The following KIRREL3 variants were observed in gnomAD, a reference collection of about 807,000 sequenced individuals.
The protein encoded by KIRREL3 is kin of IRRE-like protein 3.
KIRREL3 carries 36 observed loss-of-function variants against 89.7 expected under a neutral mutation model. That is an observed-to-expected ratio of 0.40 (90% CI 0.31 to 0.53). The LOEUF (loss-of-function observed/expected upper bound fraction) is 0.53. Ranked by LOEUF, KIRREL3 falls within the 20% of genes least tolerant of loss-of-function variation. The pLI is 0.49. For synonymous variants in KIRREL3, 445 were observed against 441.4 expected (o/e 1.01, Z -0.10); for missense variants, 864 against 1,056.6 (o/e 0.82, Z 2.53).
chr11:126,497,202 G>A, intron 4 of KIRREL3, among the ~76,000 whole-genome samples: 1 of 37,384 alleles, frequency 2.7e-5, no homozygotes, highest in Non-Finnish European at 5.2e-5. Context: ...GAGTGTGTGT[G>A]AGTGTGAGTG....
chr11:126,666,779 A>G lies in KIRREL3; in HGVS notation c.56-103867T>C, dbSNP rs182107014. Among the ~76,000 whole-genome samples, 1 of 152,298 alleles carries G rather than the reference A, an allele frequency of 6.6e-6. No homozygotes were observed. The highest frequency in any genetic ancestry group is 2.4e-5 in the African/African-American group (1 of 41,578). On this transcript the variant is annotated intron_variant, in intron 1 of 16. Coordinates refer to ENST00000525144, the MANE Select transcript of KIRREL3 (RefSeq NM_032531.4). This position sits in a 1 kb window ranked among gnomAD's most constrained non-coding sequence, Gnocchi z 4.2. ...TCTTTCACCAGAAGAATAAAAGACCATGCTTTTGAGGAGCCAGTCACTGAG... is the reference window on the plus strand; with the variant it reads ...TCTTTCACCAGAAGAATAAAAGACCGTGCTTTTGAGGAGCCAGTCACTGAG...
rs1337397484 is a variant in KIRREL3, at chr11:126,744,265, C to G, written c.56-181353G>C. On this transcript the variant is annotated intron_variant, in intron 1 of 16. Transcript: ENST00000525144. The surrounding 1 kb of genome is among the most constrained non-coding windows in gnomAD (Gnocchi z 4.7). ...TTTTTTTTTTTTTATGGGTGGAAAG[C>G]CTTTGATAAGCATTTGTTGAATCAA... Among the ~76,000 whole-genome samples, 2 of 151,220 alleles carry G rather than the reference C, an allele frequency of 1.3e-5. No homozygotes were observed. Among genetic ancestry groups the G allele is most frequent in the South Asian group, 2.1e-4 (1 of 4,786 alleles).
rs1241734553 is a variant in KIRREL3 at position 126,622,242 on chromosome 11, G to C, written c.56-59330C>G. On this transcript the variant is annotated intron_variant, in intron 1 of 16. Transcript: ENST00000525144. The surrounding 1 kb of genome is among the most constrained non-coding windows in gnomAD (Gnocchi z 5.2). ...CTTGGTATTCTTAGAGAAAGTTGTT[G>C]CACCTTTGGGTGCTGTTTTAATTAC... 6.6e-6 allele frequency among the ~76,000 whole-genome samples: 1 copy of C among 152,202 alleles called. No homozygotes were observed. The highest frequency in any genetic ancestry group is 1.5e-5 in the Non-Finnish European group (1 of 68,030).
chr11:126,494,528 T>A (rs1957605125), intron 4 of KIRREL3, among the ~76,000 whole-genome samples: 1 of 152,232 alleles, frequency 6.6e-6, no homozygotes, highest in South Asian at 2.1e-4. Flanking sequence ...TATCATGGAT[T>A]TTTTCACATT....
At position 126,462,336 on chromosome 11, in the gene KIRREL3, G is replaced by T. The variant is rs575370681; in HGVS notation, c.742+821C>A. Among the ~76,000 whole-genome samples the T allele has an allele frequency of 9.9e-5, 15 of 152,256 alleles. No homozygotes were observed. The South Asian group carries it at 1.0e-3, about 11-fold the overall frequency. The stretch of plus-strand genomic sequence containing the variant: ...CGGTGCCTCAGTTTCCCACGGTAGG[G>T]ACCACAGTTGCACCTTCTCCAAACA... On this transcript the variant is annotated intron_variant, in intron 6 of 16. Coordinates refer to ENST00000525144, the MANE Select transcript of KIRREL3 (RefSeq NM_032531.4). The surrounding 1 kb of genome is among the most constrained non-coding windows in gnomAD (Gnocchi z 4.8).
intron 1 of KIRREL3, among the ~76,000 whole-genome samples, chr11:126,701,515 G>A (rs975210881): frequency 7.9e-5 from 12 of 152,064 alleles, no homozygotes; most frequent in African/African-American, 2.4e-4. Flanking sequence ...AGCCTGTGTC[G>A]AGTCATCATG....
chr11:126,968,217 G>A (rs1349120738), intron 1 of KIRREL3, among the ~76,000 whole-genome samples: 1 of 152,086 alleles, frequency 6.6e-6, no homozygotes, highest in Non-Finnish European at 1.5e-5. Flanking sequence ...ACATGCTTCT[G>A]TATTTTTTTT....
chr11:126,518,840 G>A (rs1047791604), intron 4 of KIRREL3, among the ~76,000 whole-genome samples: 4 of 152,370 alleles, frequency 2.6e-5, no homozygotes, highest in Middle Eastern at 3.4e-3. Context: ...ACTCAGCCAG[G>A]CGGAGCCCTG....
rs1367150907 is a variant in KIRREL3 at position 126,771,161 on chromosome 11, T to A, written c.56-208249A>T. ...CAGAACGATCATTTATTAAAGAGTG[T>A]TGTATACCAAGTCTTGTGTTAGCTG... On this transcript the variant is annotated intron_variant, in intron 1 of 16. Transcript: ENST00000525144. This position sits in a 1 kb window ranked among gnomAD's most constrained non-coding sequence, Gnocchi z 4.4. Among the ~76,000 whole-genome samples, 1 of 152,146 alleles carries A rather than the reference T, an allele frequency of 6.6e-6. No individual in the cohort carries two copies. The highest frequency in any genetic ancestry group is 1.5e-5 in the Non-Finnish European group (1 of 68,034).
chr11:126,479,543 C>A (rs1324864300), intron 4 of KIRREL3, among the ~76,000 whole-genome samples: 1 of 152,220 alleles, frequency 6.6e-6, no homozygotes, highest in Non-Finnish European at 1.5e-5. Flanking sequence ...CAAAATCTGC[C>A]TTTGAAAAGA....
chr11:126,573,779 G>C (rs918261941), intron 1 of KIRREL3, among the ~76,000 whole-genome samples: 1 of 152,148 alleles, frequency 6.6e-6, no homozygotes, highest in Non-Finnish European at 1.5e-5. Context: ...AAACAAGAAA[G>C]CTCAAATGCA....
At chr11:126,851,690 C>T (rs1282271612) in intron 1 of KIRREL3, among the ~76,000 whole-genome samples, 1 of 152,118 alleles carries the variant, frequency 6.6e-6, no homozygotes, top group Admixed American at 6.5e-5. Context: ...TTCTGTCTTT[C>T]CTAAACTGCA....
rs1241813725 is a variant in KIRREL3 at position 126,742,604 on chromosome 11, G to A, written c.56-179692C>T. On this transcript the variant is annotated intron_variant, in intron 1 of 16. Coordinates refer to ENST00000525144, the MANE Select transcript of KIRREL3 (RefSeq NM_032531.4). This position sits in a 1 kb window ranked among gnomAD's most constrained non-coding sequence, Gnocchi z 5.3. The stretch of plus-strand genomic sequence containing the variant: ...AAACCAAGGTTCAGAGAGGGCAAGT[G>A]ACTTGTCAAGGTCACATAGCCAGTA... Among the ~76,000 whole-genome samples, 1 of 152,186 alleles carries A rather than the reference G, an allele frequency of 6.6e-6. No homozygotes were observed. The highest frequency in any genetic ancestry group is 1.5e-5 in the Non-Finnish European group (1 of 68,030).
rs977921623 is a variant in KIRREL3 at position 126,531,457 on chromosome 11, C to T, written c.134-4770G>A. Among the ~76,000 whole-genome samples the T allele has an allele frequency of 1.7e-4, 26 of 152,284 alleles. No individual in the cohort carries two copies. Among genetic ancestry groups the T allele is most frequent in the African/African-American group, 6.3e-4 (26 of 41,564 alleles). ...TCTCCAAAATCCAGCTCCTTTTCTT[C>T]CTGGGAGCTCCACAGCACCCCCGTG... is the stretch of plus-strand genomic sequence containing the variant. On this transcript the variant is annotated intron_variant, in intron 2 of 16. Transcript: ENST00000525144. The surrounding 1 kb of genome is among the most constrained non-coding windows in gnomAD (Gnocchi z 4.7).
intron 1 of KIRREL3, among the ~76,000 whole-genome samples, chr11:126,929,920 A>T (rs545232800): frequency 6.8e-6 from 1 of 146,976 alleles, no homozygotes; most frequent in South Asian, 2.2e-4. Context: ...GAGAGCTCAT[A>T]ATTGCATCAG....
In KIRREL3 at chr11:126,697,748, G is replaced by A. The variant is rs1057410025; in HGVS notation, c.56-134836C>T. On this transcript the variant is annotated intron_variant, in intron 1 of 16. Coordinates refer to ENST00000525144, the MANE Select transcript of KIRREL3 (RefSeq NM_032531.4). This position sits in a 1 kb window ranked among gnomAD's most constrained non-coding sequence, Gnocchi z 4.2. ...ACTCAGCTTCTCCCGGGGCCTCCGG[G>A]TGGGTCCCATGATTGCTCTGATCAC... is the stretch of plus-strand genomic sequence containing the variant. Among the ~76,000 whole-genome samples, 11 of 152,216 alleles carry A rather than the reference G, an allele frequency of 7.2e-5. No individual in the cohort carries two copies. The highest frequency in any genetic ancestry group is 1.5e-4 in the Non-Finnish European group (10 of 68,046).
rs79732975 is a variant in KIRREL3, at chr11:126,826,267, C to G, written c.55+174188G>C. Among the ~76,000 whole-genome samples the G allele has an allele frequency of 6.3e-3, 963 of 152,268 alleles. 4 individuals are homozygous for G. The highest frequency in any genetic ancestry group is 0.021 in the African/African-American group (875 of 41,540). On this transcript the variant is annotated intron_variant, in intron 1 of 16. Coordinates refer to ENST00000525144, the MANE Select transcript of KIRREL3 (RefSeq NM_032531.4). ...TGATCTCTATATCCCTAACACCTAA[C>G]TGTCTGTCCGGAAAAATTTAGATGC...
At chr11:126,949,382 T>C (rs913860805) in intron 1 of KIRREL3, among the ~76,000 whole-genome samples, 2 of 152,192 alleles carry the variant, frequency 1.3e-5, no homozygotes, top group Non-Finnish European at 2.9e-5. Context: ...GGACTTTATG[T>C]GATTAGTAGG....
At position 126,834,276 on chromosome 11, in the gene KIRREL3, G is replaced by A. The variant is rs78296391; in HGVS notation, c.55+166179C>T. ...GTCATTTGGCCCAGAATTTGGGTGG[G>A]CCTTTGATTTCTTTCCAGGGCTTAC... On this transcript the variant is annotated intron_variant, in intron 1 of 16. Transcript: ENST00000525144. 3.3e-5 allele frequency among the ~76,000 whole-genome samples: 5 copies of A among 152,292 alleles called. No homozygotes were observed. In the East Asian group the frequency reaches 9.6e-4, roughly 29 times the overall value.
Sources: allele counts gnomAD v4.1 joint callset (sites outside exome capture counted in the v4.1 genomes callset), GRCh38; gene constraint gnomAD v4.1.1; non-coding constraint Gnocchi (gnomAD v3.1); transcripts MANE v1.5; gene names NCBI Gene and HGNC (gene_info 2026-07-23, HGNC 2026-07-21).